ANK3: variants seen among roughly 807,000 people sequenced by gnomAD.
ANK3 encodes ankyrin-3.
ANK3 carries 57 observed loss-of-function variants against 370.9 expected under a neutral mutation model. The ratio of observed to expected loss-of-function variants is 0.15; its 90% CI spans 0.12 to 0.19. The LOEUF is 0.19. ANK3 is among the 10% of genes least tolerant of loss of function. The pLI is 1.00. For missense variants in ANK3, 4,439 were observed against 5,302.1 expected, an observed-to-expected ratio of 0.84 and a Z score of 5.06; for synonymous variants, 1,929 against 1,946.3, an observed-to-expected ratio of 0.99 and a Z score of 0.23.
At chr10:60,685,930 C>G (rs1422756279) in intron 1 of ANK3, among the ~76,000 whole-genome samples, 2 of 152,056 alleles carry the variant, frequency 1.3e-5, no homozygotes, top group Non-Finnish European at 2.9e-5. Context: ...AAATACAGAA[C>G]AAAATAATAG....
Position 60,469,054 on chromosome 10 carries a change from T to TATATATACAC in ANK3, c.96+146131_96+146132insGTGTATATAT, listed in dbSNP as rs1201040809. Among the ~76,000 whole-genome samples, 12 of 34,922 alleles carry TATATATACAC rather than the reference T, an allele frequency of 3.4e-4. 1 individual carries two copies. The highest frequency in any genetic ancestry group is 1.4e-3 in the African/African-American group (12 of 8,878). The allele number at this position is 34,922 out of a possible 152,430, so 22.9% of individuals were successfully genotyped here. A position where few individuals can be genotyped will look rare whatever the true frequency, so the allele number is the denominator to read the frequency against. On this transcript the variant is annotated intron_variant, in intron 2 of 43. Coordinates refer to the ANK3 transcript ENST00000373827. ...GTGTATATATATATATATATATATA[T>TATATATACAC]ACCACTTTTAGTATATATATATATA...
chr10:60,129,113 C>T (rs2093930745), intron 25 of ANK3, among the ~76,000 whole-genome samples: 1 of 152,212 alleles, frequency 6.6e-6, no homozygotes, highest in African/African-American at 2.4e-5. Flanking sequence ...CAATCTGACA[C>T]ATACAAATCT....
rs770573699 is a variant in ANK3 at position 60,073,378 on chromosome 10, C to T, written c.7503G>A (p.Arg2501=). The T allele has an allele frequency of 7.4e-6, 12 of 1,613,666 alleles. No homozygotes were observed. In the East Asian group the frequency reaches 2.5e-4, roughly 33 times the overall value. Residue 2501 remains arginine, a synonymous_variant, in exon 37 of 44, where the codon CGG becomes CGA. Transcript: ENST00000280772. ...GGGCAGTGGCTATTTTTTCTCTGGA[C>T]CGCTTATCAGACCCCTGTAACTCTG... ...PSSELQGSDK[R]SREKIATAPK...
At chr10:60,144,504 A>G (rs1210531486) in intron 23 of ANK3, among the ~76,000 whole-genome samples, 20 of 152,174 alleles carry the variant, frequency 1.3e-4, no homozygotes, top group Admixed American at 1.3e-3. Flanking sequence ...AAAAGAATAC[A>G]AAACTCCCCA....
At chr10:60,158,293 CACTGGTAAATGTAAGT>C (rs2095406478) in intron 23 of ANK3, among the ~76,000 whole-genome samples, 1 of 152,154 alleles carries the variant, frequency 6.6e-6, no homozygotes, top group Non-Finnish European at 1.5e-5. Flanking sequence ...GCATACAACT[CACTGGTAAATGTAAGT>C]ACACAGACAA....
intron 23 of ANK3, among the ~76,000 whole-genome samples, chr10:60,143,492 T>C (rs1358311288): frequency 2.0e-5 from 3 of 152,236 alleles, no homozygotes; most frequent in Admixed American, 1.3e-4. Context: ...ATCAGATATA[T>C]TTAGCTTAAA....
intron 1 of ANK3, among the ~76,000 whole-genome samples, chr10:60,651,387 C>T (rs2078787577): frequency 6.6e-6 from 1 of 152,130 alleles, no homozygotes; most frequent in Non-Finnish European, 1.5e-5. Flanking sequence ...CAGCAAGGGC[C>T]TCAGTCAAAA....
At chr10:60,106,437 G>C (rs1403322005) in intron 27 of ANK3, among the ~76,000 whole-genome samples, 1 of 151,950 alleles carries the variant, frequency 6.6e-6, no homozygotes, top group African/African-American at 2.4e-5. Context: ...TGATTTAAAA[G>C]GACACAGTCA....
intron 2 of ANK3, among the ~76,000 whole-genome samples, chr10:60,437,737 C>A (rs1238004562): frequency 1.3e-5 from 2 of 152,146 alleles, no homozygotes; most frequent in African/African-American, 4.8e-5. Context: ...AATCTCCTGA[C>A]CTAGAGCAAA....
At position 60,166,599 on chromosome 10, in the gene ANK3, A is replaced by T; in HGVS notation, c.2606T>A (p.Val869Asp). The T allele has an allele frequency of 6.2e-7, 1 of 1,613,528 alleles. No homozygotes were observed. The highest frequency in any genetic ancestry group is 8.5e-7 in the Non-Finnish European group (1 of 1,179,654). Residue 869 changes from valine (V) to aspartate (D), a missense_variant, in exon 23 of 44, where the codon GTT becomes GAT. By Grantham distance (152) the Val-to-Asp change is radical. This residue lies in a region of ANK3 where 702 missense variants were observed against 941.5 expected (regional missense o/e 0.75). Coordinates refer to ENST00000280772, the MANE Select transcript of ANK3 (RefSeq NM_020987.5). ...MLSDGEYISD[V>D]EEGEDAMTGD... The stretch of plus-strand genomic sequence containing the variant: ...TAAAAATTTACAAATACCTTCTTCA[A>T]CATCTGAGATATATTCGCCATCACT...
intron 1 of ANK3, among the ~76,000 whole-genome samples, chr10:60,618,350 C>G (rs772956406): frequency 1.3e-5 from 2 of 151,924 alleles, no homozygotes; most frequent in African/African-American, 2.4e-5. Flanking sequence ...TATTAGCTTA[C>G]CTAAAGAAAT....
At chr10:60,508,253 C>T (rs2075989666) in intron 2 of ANK3, 1 of 152,348 alleles carries the variant, frequency 6.6e-6, no homozygotes, top group African/African-American at 2.4e-5. Flanking sequence ...AAAACACCAA[C>T]AATGCCAAAT....
chr10:60,635,659 G>A lies in ANK3; in HGVS notation c.58-20435C>T, dbSNP rs772409999. Among the ~76,000 whole-genome samples, 5 of 151,376 alleles carry A rather than the reference G, an allele frequency of 3.3e-5. No individual in the cohort carries two copies. In the East Asian group the frequency reaches 5.8e-4, roughly 18 times the overall value. ...CCATTATTCAGGACTTAAAATGTTC[G>A]TAGTCATTTTAAAAAATAAATTATT... On this transcript the variant is annotated intron_variant, in intron 1 of 43. Coordinates refer to the ANK3 transcript ENST00000373827.
chr10:60,426,629 T>C (rs1413106799), intron 2 of ANK3, among the ~76,000 whole-genome samples: 2 of 152,100 alleles, frequency 1.3e-5, no homozygotes, highest in African/African-American at 4.8e-5. Context: ...AATGTGCTAA[T>C]ATGTAAGAAG....
chr10:60,177,027 G>T (rs1288415960), intron 18 of ANK3, among the ~76,000 whole-genome samples: 2 of 152,002 alleles, frequency 1.3e-5, no homozygotes, highest in African/African-American at 4.8e-5. Flanking sequence ...CATCTCCACT[G>T]CTCTAGTAAA....
chr10:60,222,756 G>A (rs1192922531), intron 8 of ANK3, among the ~76,000 whole-genome samples: 3 of 118,162 alleles, frequency 2.5e-5, no homozygotes, highest in Non-Finnish European at 3.6e-5. Flanking sequence ...TGCAGCTTCT[G>A]ATAAGAGTCC....
intron 1 of ANK3, among the ~76,000 whole-genome samples, chr10:60,318,006 TA>T (rs11348855): frequency 0.15 from 22,160 of 151,864 alleles, 1,724 homozygotes; most frequent in African/African-American, 0.18. Flanking sequence ...CATAAGATTA[TA>T]AAAAAAATAC....
intron 1 of ANK3, among the ~76,000 whole-genome samples, chr10:60,702,633 A>G (rs1484606200): frequency 2.0e-5 from 3 of 152,244 alleles, no homozygotes; most frequent in Non-Finnish European, 4.4e-5. Flanking sequence ...GAACTGTACC[A>G]AAAGATAAGC....
intron 5 of ANK3, among the ~76,000 whole-genome samples, chr10:60,267,704 GT>G (rs1232493824): frequency 3.3e-5 from 5 of 152,144 alleles, no homozygotes; most frequent in Admixed American, 2.6e-4. Flanking sequence ...TCTATTAGCA[GT>G]AAATTGGGGT....
Sources: allele counts gnomAD v4.1 joint callset (sites outside exome capture counted in the v4.1 genomes callset), GRCh38; gene constraint gnomAD v4.1.1; regional missense constraint gnomAD v4.1.1; transcripts MANE v1.5; gene names NCBI Gene and HGNC (gene_info 2026-07-23, HGNC 2026-07-21).